NCKAP5: variants seen among roughly 807,000 people sequenced by gnomAD.
NCKAP5 encodes NCK associated protein 5.
In NCKAP5, 92 loss-of-function variants were observed where a neutral mutation model predicts 167.0. That is an observed-to-expected ratio of 0.55 (90% CI 0.47 to 0.66). The LOEUF is 0.66. NCKAP5 is among the 30% of genes least tolerant of loss of function. The pLI is 0.00. For synonymous variants in NCKAP5, 891 were observed against 877.4 expected (o/e 1.02, Z -0.27); for missense variants, 2,378 against 2,315.0 (o/e 1.03, Z -0.56).
At chr2:133,666,488 G>A in the NCKAP5 span, among the ~76,000 whole-genome samples, 2 of 151,878 alleles carry the variant, frequency 1.3e-5, no homozygotes, top group South Asian at 2.1e-4. Flanking sequence ...GTGAGCCACC[G>A]TGCCCGGCCT....
intron 6 of NCKAP5, among the ~76,000 whole-genome samples, chr2:133,038,727 G>A (rs1260694894): frequency 6.6e-6 from 1 of 151,722 alleles, no homozygotes; most frequent in Non-Finnish European, 1.5e-5. Flanking sequence ...AACACTGCAT[G>A]TAACCATAAA....
chr2:132,810,911 G>A (rs1310187532), intron 11 of NCKAP5, among the ~76,000 whole-genome samples: 2 of 152,162 alleles, frequency 1.3e-5, no homozygotes, highest in Admixed American at 6.5e-5. Flanking sequence ...CTCTGTCAGA[G>A]GGAAGGTACA....
chr2:133,441,302 A>G (rs138882808), intron 3 of NCKAP5, among the ~76,000 whole-genome samples: 1 of 152,350 alleles, frequency 6.6e-6, no homozygotes, highest in Non-Finnish European at 1.5e-5. Context: ...ACTGAATATT[A>G]GAATGTTAGT....
chr2:133,428,863 A>G lies in NCKAP5; in HGVS notation c.69+88595T>C, dbSNP rs189669993. Among the ~76,000 whole-genome samples, 15 of 152,294 alleles carry G rather than the reference A, an allele frequency of 9.8e-5. No individual in the cohort carries two copies. The East Asian group carries it at 2.9e-3, about 29-fold the overall frequency. ...TAGATTGACCAAAATTATAAATACTAATAGTATCTAAATGTTATTAAAAGT... is the reference window on the plus strand; with the variant it reads ...TAGATTGACCAAAATTATAAATACTGATAGTATCTAAATGTTATTAAAAGT... On this transcript the variant is annotated intron_variant, in intron 3 of 19. Transcript: ENST00000409261.
At chr2:132,907,368 G>A (rs569074042) in intron 8 of NCKAP5, among the ~76,000 whole-genome samples, 17 of 152,312 alleles carry the variant, frequency 1.1e-4, no homozygotes, top group Admixed American at 7.8e-4. Context: ...TTAAGATCAC[G>A]CGGGTAGCAA....
intron 3 of NCKAP5, among the ~76,000 whole-genome samples, chr2:133,443,188 GT>G (rs1303596085): frequency 4.6e-5 from 7 of 152,202 alleles, no homozygotes; most frequent in Admixed American, 3.9e-4. Flanking sequence ...GCACTGAAAT[GT>G]TGTCTCTCGC....
chr2:133,639,361 C>T, the NCKAP5 span, among the ~76,000 whole-genome samples: 4 of 152,098 alleles, frequency 2.6e-5, no homozygotes, highest in African/African-American at 7.2e-5. Flanking sequence ...GAAGACATGA[C>T]GATAGCAACA....
chr2:133,629,388 A>G, the NCKAP5 span, among the ~76,000 whole-genome samples: 1 of 152,240 alleles, frequency 6.6e-6, no homozygotes, highest in Admixed American at 6.5e-5. Flanking sequence ...AAAGCTCAGT[A>G]TCATGGATCA....
intron 3 of NCKAP5, among the ~76,000 whole-genome samples, chr2:133,456,533 G>A (rs997040282): frequency 6.6e-6 from 1 of 152,042 alleles, no homozygotes; most frequent in African/African-American, 2.4e-5. Flanking sequence ...CCTGTAATTC[G>A]CCTTCCTCTG....
At chr2:133,259,045 G>A (rs1370563183) in intron 4 of NCKAP5, among the ~76,000 whole-genome samples, 1 of 152,028 alleles carries the variant, frequency 6.6e-6, no homozygotes, top group African/African-American at 2.4e-5. Context: ...CTCTGCTACC[G>A]CTCCACCTCC....
intron 6 of NCKAP5, among the ~76,000 whole-genome samples, chr2:133,034,465 C>A (rs1173833058): frequency 1.3e-5 from 2 of 152,008 alleles, no homozygotes; most frequent in African/African-American, 4.8e-5. Context: ...CAGAAAAATA[C>A]AGAATATTAT....
intron 3 of NCKAP5, among the ~76,000 whole-genome samples, chr2:133,347,019 C>A (rs1354810401): frequency 6.6e-6 from 1 of 152,176 alleles, no homozygotes; most frequent in Non-Finnish European, 1.5e-5. Flanking sequence ...CTTACTGCAC[C>A]AAAGGTTGAC....
At chr2:133,110,127 C>T (rs1256979564) in intron 6 of NCKAP5, among the ~76,000 whole-genome samples, 1 of 152,202 alleles carries the variant, frequency 6.6e-6, no homozygotes, top group Non-Finnish European at 1.5e-5. Flanking sequence ...CAGTCTAATA[C>T]ATGCTTAAAT....
At chr2:133,274,910 C>T (rs573307923) in intron 4 of NCKAP5, among the ~76,000 whole-genome samples, 17 of 150,660 alleles carry the variant, frequency 1.1e-4, no homozygotes, top group Non-Finnish European at 2.1e-4. Flanking sequence ...TCATATCAGG[C>T]GGGGAAGTAT....
chr2:133,630,260 A>G, the NCKAP5 span, among the ~76,000 whole-genome samples: 1 of 152,238 alleles, frequency 6.6e-6, no homozygotes, highest in African/African-American at 2.4e-5. Context: ...AAGGAAATCT[A>G]TAGAGACAGA....
At chr2:132,743,888 A>C (rs569662499) in intron 16 of NCKAP5, among the ~76,000 whole-genome samples, 40 of 151,886 alleles carry the variant, frequency 2.6e-4, no homozygotes, top group African/African-American at 9.4e-4. Context: ...AGAAAGCTAG[A>C]GTCACTATGC....
chr2:133,384,298 A>G (rs1686760889), intron 3 of NCKAP5, among the ~76,000 whole-genome samples: 1 of 152,170 alleles, frequency 6.6e-6, no homozygotes, highest in Admixed American at 6.5e-5. Context: ...TCCCAGCACC[A>G]TTTATTAAAT....
intron 5 of NCKAP5, among the ~76,000 whole-genome samples, chr2:133,180,074 G>T (rs1214399938): frequency 1.3e-5 from 2 of 152,158 alleles, no homozygotes. Context: ...AGGAAGTCTT[G>T]AAAGCAGTGA....
At chr2:132,820,056 A>T (rs566767258) in intron 11 of NCKAP5, among the ~76,000 whole-genome samples, 2 of 152,300 alleles carry the variant, frequency 1.3e-5, no homozygotes, top group African/African-American at 4.8e-5. Flanking sequence ...AACAAATGTT[A>T]TGCTATAGGT....
Sources: allele counts gnomAD v4.1 joint callset (sites outside exome capture counted in the v4.1 genomes callset), GRCh38; gene constraint gnomAD v4.1.1; transcripts MANE v1.5; gene names NCBI Gene and HGNC (gene_info 2026-07-23, HGNC 2026-07-21).